The following PLEKHG7 variants were observed in gnomAD, a reference collection of about 807,000 sequenced individuals.
PLEKHG7 encodes pleckstrin homology and RhoGEF domain containing G7.
PLEKHG7 carries 77 observed loss-of-function variants against 85.2 expected under a neutral mutation model. The ratio of observed to expected loss-of-function variants is 0.90; its 90% CI spans 0.75 to 1.09. PLEKHG7 has a LOEUF of 1.09. Ranked by LOEUF, PLEKHG7 falls within the 50% of genes least tolerant of loss-of-function variation. The pLI is 0.00. For synonymous variants in PLEKHG7, 301 were observed against 302.4 expected (o/e 1.00, Z 0.05); for missense variants, 777 against 804.3 (o/e 0.97, Z 0.41).
rs1338082540 is a variant in PLEKHG7, at chr12:92,761,669, AG to A, written c.1637-82del. 7.5e-6 allele frequency: 10 copies of A among 1,339,872 alleles called. No individual in the cohort carries two copies. In the Admixed American group the frequency reaches 3.5e-4, roughly 46 times the overall value. 83.0% of individuals were successfully genotyped at this position (1,339,872 alleles called of 1,614,324 possible). ...AAGAAAGAAAGAAAGAAAGAAAGAA[AG>A]AAAGAAAGAAAGAAAGGGAAAGAAA... On this transcript the variant is annotated intron_variant, in intron 13 of 16. Coordinates refer to ENST00000344636, the MANE Select transcript of PLEKHG7 (RefSeq NM_001377329.1).
intron 3 of PLEKHG7, among the ~76,000 whole-genome samples, chr12:92,719,764 T>C (rs1871585884): frequency 6.6e-6 from 1 of 152,250 alleles, no homozygotes; most frequent in South Asian, 2.1e-4. Flanking sequence ...AAAATGTAAG[T>C]GATCTATTAG....
At chr12:92,704,123 G>A (rs1457236008) in intron 1 of PLEKHG7, among the ~76,000 whole-genome samples, 1 of 152,150 alleles carries the variant, frequency 6.6e-6, no homozygotes, top group Non-Finnish European at 1.5e-5. Context: ...TAGCTGGGTG[G>A]GGTGGTAAGC....
rs1872764425 is a variant in PLEKHG7, at chr12:92,754,208, A to G, written c.1370A>G (p.Asp457Gly). 1.9e-6 allele frequency: 3 copies of G among 1,613,920 alleles called. No homozygotes were observed. Among genetic ancestry groups the G allele is most frequent in the Non-Finnish European group, 1.7e-6 (2 of 1,179,944 alleles). The change falls in exon 11 of 17, where the codon GAC becomes GGC. Residue 457 changes from aspartate to glycine, a missense_variant. Transcript: ENST00000344636. Reference protein sequence around the residue: ...LLKNIWKRSMDSAEKIMIYSI... With the variant: ...LLKNIWKRSMGSAEKIMIYSI... ...AAGAATATCTGGAAAAGGAGCATGG[A>G]CTCTGCTGAGAAAATCATGATCTAC...
chr12:92,707,045 G>A lies in PLEKHG7; in HGVS notation c.414G>A (p.Gln138=). The A allele has an allele frequency of 6.2e-7, 1 of 1,614,020 alleles. No individual in the cohort carries two copies. The highest frequency in any genetic ancestry group is 1.3e-5 in the African/African-American group (1 of 74,996). ...ACAAGTATCTCCCTCCTGAGCTTCA[G>A]CCTGTCAATGAAGGGTCCCTTCACC... ...PTDKYLPPEL[Q]PVNEGSLHQA... Residue 138 remains glutamine (Q), a synonymous_variant, in exon 2 of 17, where the codon CAG becomes CAA. Coordinates refer to ENST00000344636, the MANE Select transcript of PLEKHG7 (RefSeq NM_001377329.1).
intron 10 of PLEKHG7, among the ~76,000 whole-genome samples, chr12:92,753,445 C>G (rs1872745504): frequency 6.6e-6 from 1 of 152,184 alleles, no homozygotes; most frequent in African/African-American, 2.4e-5. Context: ...GCAATACTTA[C>G]TACAATTACT....
chr12:92,715,186 C>A (rs936936902), intron 3 of PLEKHG7, among the ~76,000 whole-genome samples: 5 of 152,116 alleles, frequency 3.3e-5, no homozygotes, highest in African/African-American at 1.2e-4. Flanking sequence ...GTCCAATGTT[C>A]GAGGGCAGGA....
At chr12:92,754,376 C>G in intron 11 of PLEKHG7, 112 bp downstream of exon 11, 1 of 1,046,230 alleles carries the variant, frequency 9.6e-7, no homozygotes, top group Non-Finnish European at 1.4e-6. Context: ...GGTCATGGCT[C>G]TTGGAAATGT....
Position 92,724,024 on chromosome 12 carries a change from G to A in PLEKHG7, c.531-4969G>A, listed in dbSNP as rs144608565. Among the ~76,000 whole-genome samples, 619 of 151,812 alleles carry A rather than the reference G, an allele frequency of 4.1e-3. 2 individuals carry two copies. The highest frequency in any genetic ancestry group is 0.014 in the African/African-American group (595 of 41,404). On this transcript the variant is annotated intron_variant, in intron 3 of 16. Coordinates refer to ENST00000344636, the MANE Select transcript of PLEKHG7 (RefSeq NM_001377329.1). ...AATTATTGTAACTTTTTCAATCCCCGCCCTCTTTAAATGCTAAAATCTCAT... is the reference window on the plus strand; with the variant it reads ...AATTATTGTAACTTTTTCAATCCCCACCCTCTTTAAATGCTAAAATCTCAT...
At chr12:92,731,534 G>C (rs1242048395) in intron 4 of PLEKHG7, among the ~76,000 whole-genome samples, 1 of 152,152 alleles carries the variant, frequency 6.6e-6, no homozygotes, top group African/African-American at 2.4e-5. Context: ...ACAATTTTCA[G>C]CTTTGGCTAG....
rs754907155 is a variant in PLEKHG7 at position 92,770,075 on chromosome 12, T to G, written c.1969-13T>G. 6.5e-7 allele frequency: 1 copy of G among 1,550,188 alleles called. No individual in the cohort carries two copies. Among genetic ancestry groups the G allele is most frequent in the East Asian group, 2.3e-5 (1 of 43,910 alleles). On this transcript the variant is annotated splice_polypyrimidine_tract_variant and intron_variant, in intron 16 of 16. Coordinates refer to ENST00000344636, the MANE Select transcript of PLEKHG7 (RefSeq NM_001377329.1). ...TAATCTCTATTTATGTATTTTTTTC[T>G]TTTTTTCAACAGAAAACATGGATGG...
intron 11 of PLEKHG7, among the ~76,000 whole-genome samples, chr12:92,754,756 A>G (rs1872780437): frequency 6.6e-6 from 1 of 152,164 alleles, no homozygotes; most frequent in Non-Finnish European, 1.5e-5. Flanking sequence ...AGGCCCTATG[A>G]TGACTTAAGT....
At chr12:92,723,305 C>T (rs886665258) in intron 3 of PLEKHG7, among the ~76,000 whole-genome samples, 9 of 152,248 alleles carry the variant, frequency 5.9e-5, no homozygotes, top group Middle Eastern at 6.8e-3. Flanking sequence ...AGACCAGGAG[C>T]TGGACCTAAG....
At chr12:92,730,845 G>A (rs1404818990) in intron 4 of PLEKHG7, among the ~76,000 whole-genome samples, 1 of 152,158 alleles carries the variant, frequency 6.6e-6, no homozygotes, top group Admixed American at 6.6e-5. Flanking sequence ...TGTGTGCCTA[G>A]CATCGTGGTA....
intron 3 of PLEKHG7, among the ~76,000 whole-genome samples, chr12:92,718,434 G>A (rs1211552350): frequency 6.6e-6 from 1 of 152,170 alleles, no homozygotes; most frequent in African/African-American, 2.4e-5. Flanking sequence ...CCAGGAAAGT[G>A]GGATTTTCAT....
intron 4 of PLEKHG7, among the ~76,000 whole-genome samples, chr12:92,731,516 CCTAAG>C (rs1262861573): frequency 6.6e-6 from 1 of 152,170 alleles, no homozygotes; most frequent in Non-Finnish European, 1.5e-5. Flanking sequence ...GCCACCCACA[CCTAAG>C]AGACAATTTT....
intron 2 of PLEKHG7, chr12:92,707,378 G>A: frequency 7.0e-7 from 1 of 1,427,468 alleles, no homozygotes; most frequent in Non-Finnish European, 9.1e-7. Flanking sequence ...GGCACTTTGA[G>A]AAAGGATGCA....
rs765661625 is a variant in PLEKHG7, at chr12:92,706,659, G to A, written c.28G>A (p.Glu10Lys). Residue 10 changes from glutamate to lysine, a missense_variant, in exon 2 of 17, where the codon GAG becomes AAG. Coordinates refer to ENST00000344636, the MANE Select transcript of PLEKHG7 (RefSeq NM_001377329.1). MEKTESFCPEVPPQDCGASP... is the reference protein window; with the variant it reads MEKTESFCPKVPPQDCGASP... The stretch of plus-strand genomic sequence containing the variant: ...GGAGAAAACAGAGTCATTCTGTCCA[G>A]AGGTGCCACCCCAAGACTGTGGAGC... 8 of 1,613,626 alleles carry A rather than the reference G, an allele frequency of 5.0e-6. No individual in the cohort carries two copies. The African/African-American group carries it at 8.0e-5, about 16-fold the overall frequency.
chr12:92,711,740 C>T (rs1031927292), intron 3 of PLEKHG7, among the ~76,000 whole-genome samples: 5 of 152,218 alleles, frequency 3.3e-5, no homozygotes, highest in Admixed American at 6.5e-5. Context: ...TCTCTGTCTG[C>T]CACTGACACC....
chr12:92,761,875 T>C, intron 14 of PLEKHG7, 44 bp downstream of exon 14: 1 of 1,504,502 alleles, frequency 6.6e-7, no homozygotes, highest in Non-Finnish European at 8.8e-7. Flanking sequence ...ACAAGTTTGC[T>C]AAATGAGTTT....
Sources: allele counts gnomAD v4.1 joint callset (sites outside exome capture counted in the v4.1 genomes callset), GRCh38; gene constraint gnomAD v4.1.1; transcripts MANE v1.5; gene names NCBI Gene and HGNC (gene_info 2026-07-23, HGNC 2026-07-21).